Variants in CNTNAP2 observed in about 807,000 individuals in gnomAD.
The protein encoded by CNTNAP2 is contactin-associated protein-like 2.
Under a neutral mutation model 155.2 loss-of-function variants are expected in CNTNAP2, and 98 were observed. That is an observed-to-expected ratio of 0.63 (90% confidence interval 0.54 to 0.75). The LOEUF (loss-of-function observed/expected upper bound fraction) is 0.75. Among genes scored for constraint, CNTNAP2 ranks in the 30% least tolerant of loss-of-function variants. The pLI, the probability that CNTNAP2 is intolerant of heterozygous loss-of-function variation, is 0.00. For synonymous variants in CNTNAP2, 651 were observed against 631.2 expected (o/e 1.03, Z -0.47); for missense variants, 1,727 against 1,688.1 (o/e 1.02, Z -0.40).
chr7:147,380,890 A>T (rs1054445676), intron 9 of CNTNAP2, among the ~76,000 whole-genome samples: 2 of 152,144 alleles, frequency 1.3e-5, no homozygotes, highest in African/African-American at 4.8e-5. Context: ...TTTTTTTAAT[A>T]GCAGAGCCAT....
intron 13 of CNTNAP2, among the ~76,000 whole-genome samples, chr7:147,775,944 A>G (rs913836231): frequency 1.3e-5 from 2 of 152,142 alleles, no homozygotes; most frequent in African/African-American, 4.8e-5. Flanking sequence ...GAGGGAATGG[A>G]TTTGTTTTGT....
intron 16 of CNTNAP2, among the ~76,000 whole-genome samples, chr7:148,129,230 T>C (rs1007719122): frequency 6.6e-6 from 1 of 152,026 alleles, no homozygotes; most frequent in Non-Finnish European, 1.5e-5. Context: ...CTTATTTACA[T>C]AGTCACGGGC....
chr7:147,200,395 A>T (rs1364709738), intron 8 of CNTNAP2, among the ~76,000 whole-genome samples: 1 of 152,140 alleles, frequency 6.6e-6, no homozygotes, highest in Non-Finnish European at 1.5e-5. Flanking sequence ...TAGTGGACAG[A>T]ATATCAACAT....
chr7:147,091,380 G>C (rs922337964), intron 4 of CNTNAP2, among the ~76,000 whole-genome samples: 1 of 151,948 alleles, frequency 6.6e-6, no homozygotes, highest in Non-Finnish European at 1.5e-5. Context: ...GCTCTTTGTC[G>C]TGCCAACCCT....
In CNTNAP2 at chr7:148,109,027, C is replaced by A. The variant is rs115864538; in HGVS notation, c.2384-9091C>A. Among the ~76,000 whole-genome samples the A allele has an allele frequency of 3.9e-5, 6 of 152,204 alleles. No individual in the cohort carries two copies. In the South Asian group the frequency reaches 1.0e-3, roughly 26 times the overall value. On this transcript the variant is annotated intron_variant, in intron 15 of 23. Transcript: ENST00000361727. ...GGTAAATCAGGCTCAGGGGAAAAGC[C>A]TCAGGGTTTGTCGTCTTACTGTTCA... is the stretch of plus-strand genomic sequence containing the variant.
intron 15 of CNTNAP2, among the ~76,000 whole-genome samples, chr7:148,030,053 A>G (rs1802446589): frequency 6.6e-6 from 1 of 151,700 alleles, no homozygotes; most frequent in Admixed American, 6.6e-5. Context: ...CTAATTTCCA[A>G]CCCATTTGAG....
chr7:146,482,398 A>ATT (rs1210126583), intron 1 of CNTNAP2, among the ~76,000 whole-genome samples: 9 of 132,604 alleles, frequency 6.8e-5, no homozygotes, highest in Middle Eastern at 7.9e-3. Flanking sequence ...GTGTGTGTGT[A>ATT]TTATATATAT....
intron 1 of CNTNAP2, among the ~76,000 whole-genome samples, chr7:146,358,195 C>T (rs1385447787): frequency 6.6e-5 from 10 of 151,902 alleles, no homozygotes; most frequent in African/African-American, 1.7e-4. Flanking sequence ...CCACCATGCC[C>T]GGCTAATTTT....
intron 1 of CNTNAP2, among the ~76,000 whole-genome samples, chr7:146,308,305 A>G (rs1270289386): frequency 1.3e-5 from 2 of 152,176 alleles, no homozygotes; most frequent in Non-Finnish European, 2.9e-5. Context: ...TTAGAATGGC[A>G]ATCATTAAAA....
At chr7:148,219,543 A>G (rs572551690) in intron 19 of CNTNAP2, among the ~76,000 whole-genome samples, 66 of 152,296 alleles carry the variant, frequency 4.3e-4, no homozygotes, top group Non-Finnish European at 7.1e-4. Flanking sequence ...AAAATAATTT[A>G]AAAATTAACT....
At chr7:148,219,513 G>A (rs189157626) in intron 19 of CNTNAP2, among the ~76,000 whole-genome samples, 1 of 152,252 alleles carries the variant, frequency 6.6e-6, no homozygotes, top group East Asian at 1.9e-4. Flanking sequence ...AGGCGACATA[G>A]CAAGACACCA....
At chr7:147,784,895 T>G (rs1166411903) in intron 13 of CNTNAP2, among the ~76,000 whole-genome samples, 2 of 151,950 alleles carry the variant, frequency 1.3e-5, no homozygotes, top group African/African-American at 4.8e-5. Context: ...GAACACGATA[T>G]TGTGATGCAG....
In CNTNAP2 at chr7:148,377,456, T is replaced by G. The variant is rs1454443090; in HGVS notation, c.3476-6193T>G. Among the ~76,000 whole-genome samples the G allele has an allele frequency of 1.0e-4, 7 of 67,940 alleles. 3 individuals carry two copies. Among genetic ancestry groups the G allele is most frequent in the Non-Finnish European group, 2.9e-4 (7 of 24,132 alleles). 44.6% of individuals were successfully genotyped at this position (67,940 alleles called of 152,430 possible). On this transcript the variant is annotated intron_variant, in intron 21 of 23. Coordinates refer to ENST00000361727, the MANE Select transcript of CNTNAP2 (RefSeq NM_014141.6). ...TTATCAGTTCCTCTGGGTGTCAGTT[T>G]TAGAGCAATACAACAACGTTTTGAA...
intron 8 of CNTNAP2, among the ~76,000 whole-genome samples, chr7:147,175,263 T>TTC (rs1802316962): frequency 8.6e-5 from 2 of 23,250 alleles, no homozygotes; most frequent in Admixed American, 6.3e-4. Flanking sequence ...CCTTCTGCTC[T>TTC]TTTTTTGTAA....
chr7:146,831,636 A>C (rs566431981), intron 2 of CNTNAP2, among the ~76,000 whole-genome samples: 4 of 139,008 alleles, frequency 2.9e-5, no homozygotes, highest in African/African-American at 1.1e-4. Context: ...GGATCTCGCC[A>C]CTGCACTCCA....
intron 9 of CNTNAP2, among the ~76,000 whole-genome samples, chr7:147,353,884 C>T (rs1796012326): frequency 6.6e-6 from 1 of 152,154 alleles, no homozygotes; most frequent in Admixed American, 6.5e-5. Context: ...TTGCATTTCT[C>T]TGATGACCAG....
chr7:147,803,896 C>T (rs1798047166), intron 13 of CNTNAP2, among the ~76,000 whole-genome samples: 2 of 152,212 alleles, frequency 1.3e-5, no homozygotes. Context: ...TTTATTCTCC[C>T]TATTGCCTGC....
At chr7:146,787,178 T>C (rs1180057709) in intron 2 of CNTNAP2, among the ~76,000 whole-genome samples, 1 of 152,214 alleles carries the variant, frequency 6.6e-6, no homozygotes, top group Non-Finnish European at 1.5e-5. Context: ...AAAGTATTGT[T>C]GACTTCCTTA....
Position 146,884,150 on chromosome 7 carries a change from A to T in CNTNAP2, c.402+44246A>T, listed in dbSNP as rs139946102. On this transcript the variant is annotated intron_variant, in intron 3 of 23. Coordinates refer to ENST00000361727, the MANE Select transcript of CNTNAP2 (RefSeq NM_014141.6). ...CTATACCAAAACCCAAATATTCAAG[A>T]CCTGCAGTTAGCTCTGTGAAATCCA... Among the ~76,000 whole-genome samples the T allele has an allele frequency of 7.7e-3, 1,165 of 152,194 alleles. 12 individuals are homozygous for T. Among genetic ancestry groups the T allele is most frequent in the African/African-American group, 0.026 (1,095 of 41,518 alleles).
Sources: allele counts gnomAD v4.1 joint callset (sites outside exome capture counted in the v4.1 genomes callset), GRCh38; gene constraint gnomAD v4.1.1; transcripts MANE v1.5; gene names NCBI Gene and HGNC (gene_info 2026-07-23, HGNC 2026-07-21).